LRMDA: variants seen among roughly 807,000 people sequenced by gnomAD.
LRMDA encodes leucine rich melanocyte differentiation associated.
LRMDA carries 18 observed loss-of-function variants against 29.8 expected under a neutral mutation model. That is an observed-to-expected ratio of 0.60 (90% CI 0.42 to 0.90). The LOEUF is 0.90. LRMDA is among the 40% of genes least tolerant of loss of function. LRMDA has a pLI of 0.00. For missense variants in LRMDA, 273 were observed against 273.9 expected (o/e 1.00, Z 0.02); for synonymous variants, 125 against 109.4 (o/e 1.14, Z -0.89).
At chr10:76,203,826 C>T (rs552722553) in intron 5 of LRMDA, among the ~76,000 whole-genome samples, 4 of 150,850 alleles carry the variant, frequency 2.7e-5, no homozygotes, top group African/African-American at 7.3e-5. Context: ...CCCATCCACC[C>T]ATCTCTCCAT....
chr10:75,463,449 G>A (rs1844612360), intron 2 of LRMDA, among the ~76,000 whole-genome samples: 1 of 151,928 alleles, frequency 6.6e-6, no homozygotes, highest in African/African-American at 2.4e-5. Flanking sequence ...TGAGCTGAGA[G>A]GAGTCTTTGG....
At chr10:75,529,616 C>A (rs1388682485) in intron 2 of LRMDA, among the ~76,000 whole-genome samples, 1 of 152,142 alleles carries the variant, frequency 6.6e-6, no homozygotes, top group Admixed American at 6.5e-5. Flanking sequence ...TCTTCCCCAG[C>A]ATGATGAAGG....
chr10:75,692,579 GT>G (rs2132162758), intron 2 of LRMDA, among the ~76,000 whole-genome samples: 1 of 136,236 alleles, frequency 7.3e-6, no homozygotes, highest in South Asian at 2.2e-4. Flanking sequence ...GTGTGTGTGT[GT>G]GTGTGTGTGT....
chr10:75,988,615 AT>A (rs1298246482), intron 2 of LRMDA, among the ~76,000 whole-genome samples: 2 of 151,862 alleles, frequency 1.3e-5, no homozygotes, highest in Non-Finnish European at 2.9e-5. Context: ...TTATGTTAGT[AT>A]AATAATAATA....
rs141130449 is a variant in LRMDA at position 75,635,567 on chromosome 10, A to G, written c.131+197073A>G. Reference sequence around the variant, plus strand: ...ATTTCTGTCCATAATTAGGGCCACAACCATCACCCACAAGGGAAAGAGATG... The same window carrying G: ...ATTTCTGTCCATAATTAGGGCCACAGCCATCACCCACAAGGGAAAGAGATG... On this transcript the variant is annotated intron_variant, in intron 2 of 6. Transcript: ENST00000611255. Among the ~76,000 whole-genome samples the G allele has an allele frequency of 5.8e-3, 878 of 152,304 alleles. 9 individuals carry two copies. Among genetic ancestry groups the G allele is most frequent in the African/African-American group, 0.02 (841 of 41,554 alleles).
At chr10:76,147,686 G>T (rs557884232) in intron 5 of LRMDA, among the ~76,000 whole-genome samples, 22 of 152,120 alleles carry the variant, frequency 1.4e-4, no homozygotes, top group African/African-American at 4.8e-4. Flanking sequence ...CTCTCAACTC[G>T]TCAAAGTCAT....
chr10:76,352,849 G>A (rs1235825337), intron 6 of LRMDA, among the ~76,000 whole-genome samples: 1 of 152,072 alleles, frequency 6.6e-6, no homozygotes, highest in Non-Finnish European at 1.5e-5. Context: ...AGCCCCTGTG[G>A]CAGGTCAGAT....
chr10:76,093,428 A>T (rs984477106), intron 5 of LRMDA, among the ~76,000 whole-genome samples: 1 of 151,512 alleles, frequency 6.6e-6, no homozygotes, highest in Admixed American at 6.6e-5. Context: ...GAACAAACTC[A>T]CTGTGTCCCT....
At chr10:76,293,244 G>C (rs1840371679) in intron 5 of LRMDA, among the ~76,000 whole-genome samples, 2 of 152,278 alleles carry the variant, frequency 1.3e-5, no homozygotes, top group South Asian at 4.1e-4. Context: ...GCCTCCCAAA[G>C]TGCTGGAATT....
At chr10:76,064,987 A>T (rs1370127698) in intron 5 of LRMDA, among the ~76,000 whole-genome samples, 1 of 151,760 alleles carries the variant, frequency 6.6e-6, no homozygotes, top group Non-Finnish European at 1.5e-5. Flanking sequence ...TTCTATTTTC[A>T]GTTTCTTTCT....
chr10:76,288,386 C>T (rs949211326), intron 5 of LRMDA, among the ~76,000 whole-genome samples: 10 of 152,102 alleles, frequency 6.6e-5, no homozygotes, highest in African/African-American at 2.2e-4. Context: ...GGAATGGAAC[C>T]TAAATGCCCA....
chr10:76,181,602 A>AT (rs543988467), intron 5 of LRMDA, among the ~76,000 whole-genome samples: 418 of 152,336 alleles, frequency 2.7e-3, no homozygotes, highest in Middle Eastern at 0.021. Context: ...CTGTATGCCC[A>AT]TAAGTACCGG....
chr10:75,751,929 G>A (rs1469422430), intron 2 of LRMDA, among the ~76,000 whole-genome samples: 1 of 152,086 alleles, frequency 6.6e-6, no homozygotes, highest in Admixed American at 6.5e-5. Context: ...GCACAATGAG[G>A]AGGTTTTTCT....
chr10:76,146,752 T>G (rs1462737874), intron 5 of LRMDA, among the ~76,000 whole-genome samples: 1 of 152,138 alleles, frequency 6.6e-6, no homozygotes, highest in Non-Finnish European at 1.5e-5. Flanking sequence ...TTATTTTGCT[T>G]GTTAGTTGAT....
intron 6 of LRMDA, among the ~76,000 whole-genome samples, chr10:76,504,829 G>C (rs963435385): frequency 2.0e-5 from 3 of 151,968 alleles, no homozygotes; most frequent in Non-Finnish European, 4.4e-5. Flanking sequence ...CTGAGATTTT[G>C]ACCCTGTCAT....
At chr10:76,003,685 C>A (rs1275011439) in intron 2 of LRMDA, among the ~76,000 whole-genome samples, 5 of 151,996 alleles carry the variant, frequency 3.3e-5, no homozygotes, top group African/African-American at 1.2e-4. Context: ...GCAGGTAAGT[C>A]AGTTGAGGGT....
At chr10:76,348,739 C>G (rs544296125) in intron 6 of LRMDA, among the ~76,000 whole-genome samples, 5 of 152,298 alleles carry the variant, frequency 3.3e-5, no homozygotes, top group African/African-American at 1.2e-4. Context: ...CTATGCAAGA[C>G]ACTGTACATG....
chr10:76,352,733 A>C (rs1336084327), intron 6 of LRMDA, among the ~76,000 whole-genome samples: 1 of 152,052 alleles, frequency 6.6e-6, no homozygotes, highest in Non-Finnish European at 1.5e-5. Context: ...ATTATTATCA[A>C]TAGTGTTGTT....
chr10:75,875,714 G>A (rs1335799273), intron 2 of LRMDA, among the ~76,000 whole-genome samples: 1 of 152,228 alleles, frequency 6.6e-6, no homozygotes, highest in Non-Finnish European at 1.5e-5. Context: ...TTACAGGCGT[G>A]AGCCACGGTG....
Sources: allele counts gnomAD v4.1 joint callset (sites outside exome capture counted in the v4.1 genomes callset), GRCh38; gene constraint gnomAD v4.1.1; transcripts MANE v1.5; gene names NCBI Gene and HGNC (gene_info 2026-07-23, HGNC 2026-07-21).